ROBO2: variants seen among roughly 807,000 people sequenced by gnomAD.
The protein encoded by ROBO2 is roundabout guidance receptor 2, also known as roundabout homolog 2.
A neutral mutation model predicts 160.8 loss-of-function variants in ROBO2; 53 were observed. That is an observed-to-expected ratio of 0.33 (90% CI 0.26 to 0.41). The LOEUF is 0.41. Among genes scored for constraint, ROBO2 ranks in the 10% least tolerant of loss-of-function variants. ROBO2 has a pLI of 1.00. For synonymous variants in ROBO2, 664 were observed against 611.7 expected, an observed-to-expected ratio of 1.09 and a Z score of -1.26; for missense variants, 1,577 against 1,722.4, an observed-to-expected ratio of 0.92 and a Z score of 1.49.
chr3:76,388,148 C>A (rs1368140898), intron 2 of ROBO2, among the ~76,000 whole-genome samples: 1 of 151,154 alleles, frequency 6.6e-6, no homozygotes, highest in East Asian at 1.9e-4. Context: ...GATCTCATTT[C>A]TCTTGTGTTA....
intron 2 of ROBO2, among the ~76,000 whole-genome samples, chr3:76,800,240 A>G (rs1021474583): frequency 3.3e-5 from 5 of 152,202 alleles, no homozygotes; most frequent in Non-Finnish European, 5.9e-5. Context: ...TTAAAGACTT[A>G]AATTTAAACC....
At chr3:77,082,909 T>G (rs553803426) in intron 1 of ROBO2, among the ~76,000 whole-genome samples, 1 of 152,028 alleles carries the variant, frequency 6.6e-6, no homozygotes, top group Admixed American at 6.6e-5. Flanking sequence ...AGTATTTAAA[T>G]GTACTCACAC....
At chr3:76,326,160 G>A (rs988705409) in intron 2 of ROBO2, among the ~76,000 whole-genome samples, 6 of 152,096 alleles carry the variant, frequency 3.9e-5, no homozygotes, top group South Asian at 2.1e-4. Flanking sequence ...TTATCATAGC[G>A]TGTTGGCAGA....
At chr3:76,838,737 C>T (rs965236622) in intron 2 of ROBO2, among the ~76,000 whole-genome samples, 2 of 152,062 alleles carry the variant, frequency 1.3e-5, no homozygotes, top group African/African-American at 4.8e-5. Context: ...ATTGTAAGGG[C>T]TCCGAAAGTG....
At chr3:76,687,892 C>A (rs940330434) in intron 2 of ROBO2, among the ~76,000 whole-genome samples, 5 of 152,008 alleles carry the variant, frequency 3.3e-5, no homozygotes, top group African/African-American at 1.2e-4. Flanking sequence ...AACACTAAAT[C>A]TCCTTAAACA....
intron 2 of ROBO2, among the ~76,000 whole-genome samples, chr3:76,094,964 G>A (rs1345200616): frequency 6.6e-6 from 1 of 152,144 alleles, no homozygotes; most frequent in Non-Finnish European, 1.5e-5. Flanking sequence ...GAGTTAGGTG[G>A]CGGTAAAGCT....
intron 2 of ROBO2, among the ~76,000 whole-genome samples, chr3:75,993,840 A>G (rs1046827657): frequency 6.6e-6 from 1 of 152,126 alleles, no homozygotes; most frequent in African/African-American, 2.4e-5. Context: ...TTTACCAGCT[A>G]TTCTCTTTCT....
chr3:77,484,137 T>C (rs1025722349), intron 4 of ROBO2, among the ~76,000 whole-genome samples: 3 of 152,014 alleles, frequency 2.0e-5, no homozygotes, highest in Non-Finnish European at 4.4e-5. Context: ...AACATCCTAA[T>C]TAACTGGGCA....
At chr3:75,975,802 C>T (rs1026139472) in intron 2 of ROBO2, among the ~76,000 whole-genome samples, 1 of 151,480 alleles carries the variant, frequency 6.6e-6, no homozygotes, top group African/African-American at 2.4e-5. Flanking sequence ...AATAACTAAA[C>T]AACAAAATCC....
At chr3:76,134,269 T>C (rs1014935691) in intron 2 of ROBO2, among the ~76,000 whole-genome samples, 1 of 113,740 alleles carries the variant, frequency 8.8e-6, no homozygotes, top group Non-Finnish European at 1.7e-5. Flanking sequence ...GTGAAGATAC[T>C]TTTTTTTTCT....
Position 76,311,735 on chromosome 3 carries a change from A to G in ROBO2, c.109+374133A>G, listed in dbSNP as rs2071601911. Among the ~76,000 whole-genome samples, 4 of 152,218 alleles carry G rather than the reference A, an allele frequency of 2.6e-5. No individual in the cohort carries two copies. The South Asian group carries it at 8.3e-4, about 32-fold the overall frequency. On this transcript the variant is annotated intron_variant, in intron 2 of 26. Transcript: ENST00000487694. ...TTCCTTCGGAAGCCGCATTATTTTTAAAAGAAATGGGTTCTGAATATGCTA... is the reference window on the plus strand; with the variant it reads ...TTCCTTCGGAAGCCGCATTATTTTTGAAAGAAATGGGTTCTGAATATGCTA...
At chr3:77,295,633 C>T (rs9848444) in intron 2 of ROBO2, among the ~76,000 whole-genome samples, 14,815 of 88,944 alleles carry the variant, frequency 0.17, 1,543 homozygotes, top group East Asian at 0.44. Context: ...GACGGTTAAA[C>T]GGGTAAGCTG....
chr3:77,079,767 A>G (rs1333287918), intron 1 of ROBO2, among the ~76,000 whole-genome samples: 2 of 152,218 alleles, frequency 1.3e-5, no homozygotes, highest in African/African-American at 4.8e-5. Context: ...TATGGATCAC[A>G]GTGGAACTTC....
intron 2 of ROBO2, among the ~76,000 whole-genome samples, chr3:77,141,942 G>A (rs186499317): frequency 1.2e-4 from 19 of 152,270 alleles, no homozygotes; most frequent in Admixed American, 3.3e-4. Context: ...AAATTATTCC[G>A]TTAATGTAGT....
intron 2 of ROBO2, among the ~76,000 whole-genome samples, chr3:77,207,364 A>G (rs1430923404): frequency 1.3e-5 from 2 of 152,188 alleles, no homozygotes; most frequent in African/African-American, 4.8e-5. Context: ...CACATTTTTC[A>G]TAGTAAGCGT....
intron 2 of ROBO2, among the ~76,000 whole-genome samples, chr3:76,356,651 T>C (rs867829345): frequency 2.6e-5 from 4 of 151,464 alleles, no homozygotes; most frequent in Middle Eastern, 3.2e-3. Context: ...AAGCCAAAAA[T>C]TGACAGAAAA....
chr3:77,593,471 T>G (rs2094226344), intron 17 of ROBO2, among the ~76,000 whole-genome samples: 1 of 152,218 alleles, frequency 6.6e-6, no homozygotes, highest in South Asian at 2.1e-4. Context: ...CATGTGCCTA[T>G]AGCCAGTGTT....
chr3:76,465,598 T>TA, intron 2 of ROBO2, among the ~76,000 whole-genome samples: 1 of 152,188 alleles, frequency 6.6e-6, no homozygotes, highest in Middle Eastern at 3.4e-3. Context: ...TACATGTAGA[T>TA]AATTGAGAGT....
At chr3:77,454,070 T>C (rs1005120334) in intron 2 of ROBO2, among the ~76,000 whole-genome samples, 1 of 152,016 alleles carries the variant, frequency 6.6e-6, no homozygotes, top group Non-Finnish European at 1.5e-5. Context: ...AGAACTTGTA[T>C]GTAGCCTTCT....
Sources: allele counts gnomAD v4.1 joint callset (sites outside exome capture counted in the v4.1 genomes callset), GRCh38; gene constraint gnomAD v4.1.1; transcripts MANE v1.5; gene names NCBI Gene and HGNC (gene_info 2026-07-23, HGNC 2026-07-21).